PTPRR: variants seen among roughly 807,000 people sequenced by gnomAD.
The protein encoded by PTPRR is protein tyrosine phosphatase receptor type R, also known as receptor-type tyrosine-protein phosphatase R.
PTPRR carries 38 observed loss-of-function variants against 77.2 expected under a neutral mutation model. The observed-to-expected ratio is 0.49, with a 90% CI of 0.38 to 0.65. The LOEUF is 0.65. Ranked by LOEUF, PTPRR falls within the 30% of genes least tolerant of loss-of-function variation. The pLI is 0.00. For missense variants in PTPRR, 744 were observed against 799.2 expected, an observed-to-expected ratio of 0.93 and a Z score of 0.83; for synonymous variants, 299 against 283.1, an observed-to-expected ratio of 1.06 and a Z score of -0.57.
chr12:70,818,021 G>A (rs1340531036), intron 2 of PTPRR, among the ~76,000 whole-genome samples: 2 of 152,114 alleles, frequency 1.3e-5, no homozygotes, highest in Admixed American at 1.3e-4. Context: ...AAACCAGCCT[G>A]ACCAACATGG....
intron 2 of PTPRR, among the ~76,000 whole-genome samples, chr12:70,816,704 T>C (rs1891908658): frequency 6.6e-6 from 1 of 152,034 alleles, no homozygotes. Context: ...AAGTTATCTT[T>C]AAGCATTATT....
chr12:70,781,765 C>A (rs774501661), intron 2 of PTPRR, among the ~76,000 whole-genome samples: 12 of 152,068 alleles, frequency 7.9e-5, no homozygotes, highest in Non-Finnish European at 1.8e-4. Context: ...GGATGGTAAA[C>A]AGAGAGAATT....
intron 1 of PTPRR, among the ~76,000 whole-genome samples, chr12:70,898,415 C>G (rs968506088): frequency 6.7e-6 from 1 of 150,148 alleles, no homozygotes; most frequent in African/African-American, 2.4e-5. Flanking sequence ...TGTTTTTCTA[C>G]AGTTTATGTT....
At chr12:70,800,264 C>T (rs1410677982) in intron 2 of PTPRR, among the ~76,000 whole-genome samples, 1 of 148,646 alleles carries the variant, frequency 6.7e-6, no homozygotes, top group African/African-American at 2.5e-5. Flanking sequence ...ATACTGTTCT[C>T]TCTCTTTTTT....
At chr12:70,909,197 G>C (rs1164850241) in intron 1 of PTPRR, among the ~76,000 whole-genome samples, 1 of 152,128 alleles carries the variant, frequency 6.6e-6, no homozygotes, top group Admixed American at 6.5e-5. Context: ...GCACCCACTG[G>C]GAATTTGCTG....
intron 6 of PTPRR, among the ~76,000 whole-genome samples, chr12:70,715,859 C>G (rs1473869095): frequency 1.3e-5 from 2 of 152,068 alleles, no homozygotes; most frequent in Non-Finnish European, 2.9e-5. Flanking sequence ...ATCATAGGGT[C>G]CTGAGGCGAC....
chr12:70,668,207 G>A (rs1340107247), intron 10 of PTPRR, among the ~76,000 whole-genome samples: 2 of 152,026 alleles, frequency 1.3e-5, no homozygotes, highest in Non-Finnish European at 2.9e-5. Context: ...GTGAGGAGGA[G>A]GAAGAGAAGG....
intron 13 of PTPRR, among the ~76,000 whole-genome samples, chr12:70,650,288 C>CA (rs1317176215): frequency 6.6e-6 from 1 of 151,786 alleles, no homozygotes; most frequent in Non-Finnish European, 1.5e-5. Flanking sequence ...ACTAAAAATA[C>CA]AAAAATTAGC....
In PTPRR at chr12:70,761,457, G is replaced by C; in HGVS notation, c.627+14C>G. On this transcript the variant is annotated intron_variant, in intron 4 of 13. Transcript: ENST00000283228. ...TTCACATTTTTAAATGAATTGTTTC[G>C]TGCAACAACATACCTCAGGAGAGAC... 1.3e-6 allele frequency: 2 copies of C among 1,556,274 alleles called. No individual in the cohort carries two copies.
intron 3 of PTPRR, among the ~76,000 whole-genome samples, chr12:70,764,239 G>C (rs187849208): frequency 1.6e-4 from 24 of 152,152 alleles, no homozygotes; most frequent in Non-Finnish European, 1.5e-5. Context: ...ATACTTGAAA[G>C]TATATCAATA....
At chr12:70,783,843 C>T (rs779578290) in intron 2 of PTPRR, among the ~76,000 whole-genome samples, 4 of 55,574 alleles carry the variant, frequency 7.2e-5, no homozygotes, top group Non-Finnish European at 1.3e-4. Flanking sequence ...TCTGGAGGGT[C>T]TAAGGCTGTG....
At chr12:70,910,124 T>C (rs1043885115) in intron 1 of PTPRR, among the ~76,000 whole-genome samples, 1 of 152,140 alleles carries the variant, frequency 6.6e-6, no homozygotes, top group Non-Finnish European at 1.5e-5. Flanking sequence ...TGGTCTTATA[T>C]TGCAGCTATA....
chr12:70,887,540 C>T (rs554593040), intron 2 of PTPRR, among the ~76,000 whole-genome samples: 5 of 152,272 alleles, frequency 3.3e-5, no homozygotes, highest in African/African-American at 1.2e-4. Context: ...CTTTCATCAT[C>T]TCAGTGTCCA....
At chr12:70,640,575 T>C (rs1053714607) in intron 13 of PTPRR, among the ~76,000 whole-genome samples, 2 of 152,236 alleles carry the variant, frequency 1.3e-5, no homozygotes, top group Non-Finnish European at 2.9e-5. Context: ...TAAAGTCTTG[T>C]AAATTCTCTG....
Position 70,767,260 on chromosome 12 carries a change from C to T in PTPRR, c.358-2482G>A, listed in dbSNP as rs527635643. 1.1e-3 allele frequency among the ~76,000 whole-genome samples: 166 copies of T among 151,932 alleles called. 1 individual carries two copies. The highest frequency in any genetic ancestry group is 3.9e-3 in the African/African-American group (160 of 41,418). ...TCAAGACCCATCAGTGTGCTGTATT[C>T]AGGAAACCCATCTCATGTGCAGAGA... On this transcript the variant is annotated intron_variant, in intron 2 of 13. Transcript: ENST00000283228.
At chr12:70,738,289 ATGTT>A (rs1889937682) in intron 6 of PTPRR, among the ~76,000 whole-genome samples, 1 of 152,282 alleles carries the variant, frequency 6.6e-6, no homozygotes, top group Middle Eastern at 3.4e-3. Context: ...AAGTTAGTGA[ATGTT>A]TGTTCGTTGG....
At chr12:70,739,665 C>T (rs1183061754) in intron 6 of PTPRR, among the ~76,000 whole-genome samples, 1 of 152,258 alleles carries the variant, frequency 6.6e-6, no homozygotes, top group African/African-American at 2.4e-5. Flanking sequence ...AGTTCAAGTC[C>T]CTTTCTGAAT....
intron 6 of PTPRR, among the ~76,000 whole-genome samples, chr12:70,702,974 CTTAT>C (rs900192839): frequency 2.0e-5 from 3 of 151,114 alleles, no homozygotes; most frequent in Admixed American, 6.6e-5. Flanking sequence ...TATATATCAC[CTTAT>C]TTATTATACC....
chr12:70,717,328 G>A (rs905169444), intron 6 of PTPRR, among the ~76,000 whole-genome samples: 1 of 152,106 alleles, frequency 6.6e-6, no homozygotes, highest in Non-Finnish European at 1.5e-5. Context: ...GAGAGTGTTA[G>A]GTGAGAATAA....
Sources: gnomAD v4.1 joint callset for allele counts (sites outside exome capture counted in the v4.1 genomes callset) on GRCh38, gnomAD v4.1.1 for gene constraint, MANE v1.5 for transcripts, NCBI Gene and HGNC (gene_info 2026-07-23, HGNC 2026-07-21) for gene names.